ZMIZ1: variants seen among roughly 807,000 people sequenced by gnomAD.
ZMIZ1 encodes zinc finger MIZ domain-containing protein 1.
A neutral mutation model predicts 113.9 loss-of-function variants in ZMIZ1; 17 were observed. That is an observed-to-expected ratio of 0.15 (90% CI 0.10 to 0.22). The LOEUF (loss-of-function observed/expected upper bound fraction) is 0.22, where lower values mean the gene tolerates loss of function less well. Ranked by LOEUF, ZMIZ1 falls within the 10% of genes least tolerant of loss-of-function variation. The pLI, the probability that ZMIZ1 is intolerant of heterozygous loss-of-function variation, is 1.00. For missense variants in ZMIZ1, 1,059 were observed against 1,477.8 expected (o/e 0.72, Z 4.65); for synonymous variants, 607 against 603.1 (o/e 1.01, Z -0.09).
At chr10:79,171,761 C>CA (rs1846612192) in intron 4 of ZMIZ1, among the ~76,000 whole-genome samples, 1 of 152,122 alleles carries the variant, frequency 6.6e-6, no homozygotes, top group African/African-American at 2.4e-5. Context: ...GATTGACACT[C>CA]AGAGCATTTC....
At chr10:79,272,750 G>T (rs904649119) in intron 7 of ZMIZ1, among the ~76,000 whole-genome samples, 1 of 152,222 alleles carries the variant, frequency 6.6e-6, no homozygotes, top group African/African-American at 2.4e-5. Flanking sequence ...GAGGTGAGGG[G>T]AGCTCAGTGG....
intron 8 of ZMIZ1, among the ~76,000 whole-genome samples, chr10:79,286,579 C>T (rs2132011637): frequency 6.6e-6 from 1 of 152,406 alleles, no homozygotes; most frequent in South Asian, 2.1e-4. Context: ...CGTGTGTGCA[C>T]GGATGTGTCC....
intron 1 of ZMIZ1, among the ~76,000 whole-genome samples, chr10:79,087,260 TA>T (rs1379853056): frequency 6.6e-6 from 1 of 152,230 alleles, no homozygotes; most frequent in Non-Finnish European, 1.5e-5. Flanking sequence ...CAGGTGATGG[TA>T]AAGTGTTGGA....
intron 4 of ZMIZ1, among the ~76,000 whole-genome samples, chr10:79,190,214 G>A (rs1847540967): frequency 6.6e-6 from 1 of 152,230 alleles, no homozygotes; most frequent in South Asian, 2.1e-4. Flanking sequence ...GCGGCTTGGA[G>A]CTCCCCAGGG....
chr10:79,290,128 CT>C (rs1224068166), intron 9 of ZMIZ1, among the ~76,000 whole-genome samples: 1 of 152,246 alleles, frequency 6.6e-6, no homozygotes, highest in Non-Finnish European at 1.5e-5. Context: ...TGGCATTCAT[CT>C]GACAGACAGC....
At chr10:79,257,781 A>G (rs1851013765) in intron 7 of ZMIZ1, among the ~76,000 whole-genome samples, 1 of 152,224 alleles carries the variant, frequency 6.6e-6, no homozygotes, top group Non-Finnish European at 1.5e-5. Context: ...CTCAGGTTCT[A>G]TCCCTGCCAC....
In ZMIZ1 at chr10:79,253,029, C is replaced by T. The variant is rs555855814; in HGVS notation, c.281-24152C>T. ...GCACTGTGGGGAAGGTGAAAAAAGACACATCCCCTCCCCTCTGGGAGCTTA... is the reference window on the plus strand; with the variant it reads ...GCACTGTGGGGAAGGTGAAAAAAGATACATCCCCTCCCCTCTGGGAGCTTA... On this transcript the variant is annotated intron_variant, in intron 7 of 24. Coordinates refer to ENST00000334512, the MANE Select transcript of ZMIZ1 (RefSeq NM_020338.4). Among the ~76,000 whole-genome samples the T allele has an allele frequency of 2.6e-4, 40 of 152,260 alleles. No homozygotes were observed. The Middle Eastern group carries it at 0.017, about 65-fold the overall frequency.
At chr10:79,164,539 G>C (rs574244061) in intron 4 of ZMIZ1, among the ~76,000 whole-genome samples, 1 of 152,290 alleles carries the variant, frequency 6.6e-6, no homozygotes, top group South Asian at 2.1e-4. Flanking sequence ...TGACAGTCAG[G>C]GTGATGGGCC....
At chr10:79,145,969 A>G (rs936830495) in intron 3 of ZMIZ1, among the ~76,000 whole-genome samples, 1 of 152,140 alleles carries the variant, frequency 6.6e-6, no homozygotes, top group East Asian at 1.9e-4. Context: ...CAGCCTCTCA[A>G]TGTGCTGGGA....
At chr10:79,271,791 T>C (rs1421472710) in intron 7 of ZMIZ1, among the ~76,000 whole-genome samples, 2 of 152,180 alleles carry the variant, frequency 1.3e-5, no homozygotes, top group Non-Finnish European at 2.9e-5. Flanking sequence ...CTTGTGGGGC[T>C]GGCGCATAGA....
chr10:79,139,064 A>G (rs1222579133), intron 2 of ZMIZ1, among the ~76,000 whole-genome samples: 3 of 152,156 alleles, frequency 2.0e-5, no homozygotes, highest in African/African-American at 4.8e-5. Flanking sequence ...CTCCTCTCCC[A>G]GTTATAAGCA....
chr10:79,125,069 C>G (rs948771908), intron 2 of ZMIZ1, among the ~76,000 whole-genome samples: 1 of 152,204 alleles, frequency 6.6e-6, no homozygotes, highest in African/African-American at 2.4e-5. Context: ...GTCCACTGGC[C>G]GGACCTTCAT....
At chr10:79,076,333 G>C (rs999248851) in intron 1 of ZMIZ1, among the ~76,000 whole-genome samples, 1 of 152,116 alleles carries the variant, frequency 6.6e-6, no homozygotes, top group Non-Finnish European at 1.5e-5. Context: ...AATGCTCTTC[G>C]GGTCTGATGA....
intron 7 of ZMIZ1, among the ~76,000 whole-genome samples, chr10:79,270,668 G>A (rs905301738): frequency 6.6e-6 from 1 of 152,200 alleles, no homozygotes; most frequent in African/African-American, 2.4e-5. Context: ...GACTAGCATA[G>A]GCAACAGGAG....
chr10:79,314,491 C>A lies in ZMIZ1; in HGVS notation c.*1742C>A. 1 of 332,094 alleles carries A rather than the reference C, an allele frequency of 3.0e-6. No individual in the cohort carries two copies. The highest frequency in any genetic ancestry group is 2.4e-5 in the South Asian group (1 of 42,012). The allele number at this position is 332,094 out of a possible 1,614,324, so 20.6% of individuals were successfully genotyped here. On this transcript the variant is annotated 3_prime_UTR_variant, in exon 25 of 25. Transcript: ENST00000334512. ...CCCGGCCCCTTTTCTTCCTTTGTCC[C>A]GTTGTCGAGGTTTTTTCAAATAGCG...
chr10:79,188,098 G>T (rs1434408439), intron 4 of ZMIZ1, among the ~76,000 whole-genome samples: 2 of 152,220 alleles, frequency 1.3e-5, no homozygotes, highest in South Asian at 2.1e-4. Context: ...CAAATATGCT[G>T]CCTGACGTAG....
intron 17 of ZMIZ1, among the ~76,000 whole-genome samples, chr10:79,301,735 G>T (rs911002450): frequency 1.3e-5 from 2 of 152,168 alleles, no homozygotes; most frequent in Non-Finnish European, 2.9e-5. Flanking sequence ...GGACGTTTGG[G>T]ATGTGCAGTT....
At chr10:79,184,679 G>A (rs758066267) in intron 4 of ZMIZ1, among the ~76,000 whole-genome samples, 4 of 152,158 alleles carry the variant, frequency 2.6e-5, no homozygotes, top group Non-Finnish European at 5.9e-5. Flanking sequence ...GGGAAGATGG[G>A]CTCTATGTCT....
At chr10:79,220,437 G>T (rs1392928525) in intron 7 of ZMIZ1, among the ~76,000 whole-genome samples, 1 of 152,102 alleles carries the variant, frequency 6.6e-6, no homozygotes, top group Non-Finnish European at 1.5e-5. Flanking sequence ...GCACAGCCCC[G>T]GTGTGCCTGT....
Sources: allele counts gnomAD v4.1 joint callset (sites outside exome capture counted in the v4.1 genomes callset), GRCh38; gene constraint gnomAD v4.1.1; transcripts MANE v1.5; gene names NCBI Gene and HGNC (gene_info 2026-07-23, HGNC 2026-07-21).